Variants in DPF3 observed in about 807,000 individuals in gnomAD.
DPF3 encodes zinc finger protein DPF3.
In DPF3, 18 loss-of-function variants were observed where a neutral mutation model predicts 56.8. That is an observed-to-expected ratio of 0.32 (90% CI 0.22 to 0.47). DPF3 has a LOEUF of 0.47. Ranked by LOEUF, DPF3 falls within the 20% of genes least tolerant of loss-of-function variation. DPF3 has a pLI of 1.00. For missense variants in DPF3, 403 were observed against 488.8 expected (o/e 0.82, Z 1.65); for synonymous variants, 188 against 180.2 (o/e 1.04, Z -0.35).
At chr14:72,668,948 C>T (rs574970861) in intron 8 of DPF3, among the ~76,000 whole-genome samples, 2 of 152,274 alleles carry the variant, frequency 1.3e-5, no homozygotes, top group South Asian at 2.1e-4. Flanking sequence ...TATTGGCTGA[C>T]GTGTGAGCAT....
chr14:72,641,062 C>T (rs1264094907), intron 8 of DPF3, among the ~76,000 whole-genome samples: 1 of 151,996 alleles, frequency 6.6e-6, no homozygotes, highest in African/African-American at 2.4e-5. Flanking sequence ...TCATGACATC[C>T]AAGGAAGAGG....
chr14:72,662,358 C>A (rs1299566829), intron 8 of DPF3: 4 of 984,926 alleles, frequency 4.1e-6, no homozygotes, highest in Non-Finnish European at 3.6e-6. Flanking sequence ...CATGTCTTCA[C>A]AAAATTGCGC....
chr14:72,839,245 G>A (rs936619574), intron 1 of DPF3, among the ~76,000 whole-genome samples: 5 of 152,046 alleles, frequency 3.3e-5, no homozygotes, highest in Admixed American at 6.6e-5. Flanking sequence ...AATGGCAAGC[G>A]GGAACAAAAT....
At chr14:72,801,059 C>T (rs1312163346) in intron 1 of DPF3, among the ~76,000 whole-genome samples, 1 of 152,196 alleles carries the variant, frequency 6.6e-6, no homozygotes. Flanking sequence ...TGGTTAACAC[C>T]ACCTTACCAA....
At chr14:72,764,493 T>G (rs888958715) in intron 2 of DPF3, among the ~76,000 whole-genome samples, 5 of 129,220 alleles carry the variant, frequency 3.9e-5, no homozygotes, top group African/African-American at 1.5e-4. Context: ...TGTTTTTTTT[T>G]TTTTTTTTTT....
intron 6 of DPF3, among the ~76,000 whole-genome samples, chr14:72,710,062 G>C (rs1482728671): frequency 6.6e-6 from 1 of 152,236 alleles, no homozygotes; most frequent in Non-Finnish European, 1.5e-5. Context: ...TCTTTGCTAT[G>C]ATGTTTCTTG....
At chr14:72,837,123 G>A (rs914606032) in intron 1 of DPF3, among the ~76,000 whole-genome samples, 7 of 151,732 alleles carry the variant, frequency 4.6e-5, no homozygotes, top group South Asian at 2.1e-4. Context: ...CACCCGTCTC[G>A]GCCACCCAAA....
chr14:72,795,291 A>ATATATATATATATATATATATATAT (rs1158510213), intron 1 of DPF3, among the ~76,000 whole-genome samples: 1 of 122,412 alleles, frequency 8.2e-6, no homozygotes, highest in Non-Finnish European at 1.7e-5. Flanking sequence ...AAAAAAAAAA[A>ATATATATATATATATATATATATAT]AAAAATATAT....
intron 1 of DPF3, among the ~76,000 whole-genome samples, chr14:72,880,148 A>G (rs527372698): frequency 2.0e-4 from 31 of 152,356 alleles, no homozygotes; most frequent in African/African-American, 7.0e-4. Context: ...AGAAATTACC[A>G]TTGGCATCAC....
intron 1 of DPF3, among the ~76,000 whole-genome samples, chr14:72,831,643 G>A (rs1264190081): frequency 6.6e-6 from 1 of 152,190 alleles, no homozygotes; most frequent in Non-Finnish European, 1.5e-5. Context: ...CCCGTCAGTA[G>A]CAGCACTGAG....
At chr14:72,839,881 C>T (rs1419816707) in intron 1 of DPF3, among the ~76,000 whole-genome samples, 1 of 152,166 alleles carries the variant, frequency 6.6e-6, no homozygotes, top group East Asian at 1.9e-4. Context: ...GGCGGGTGCT[C>T]ACTCCACTGA....
Position 72,647,837 on chromosome 14 carries a change from G to T in DPF3, c.872-18101C>A, listed in dbSNP as rs556462850. Among the ~76,000 whole-genome samples, 6 of 152,298 alleles carry T rather than the reference G, an allele frequency of 3.9e-5. No individual in the cohort carries two copies. The East Asian group carries it at 1.2e-3, about 29-fold the overall frequency. ...ACGAGGAGGTGGCTAGCAGTAGCAA[G>T]ATTGGTCCTAATTTATTGAGGGCAG... is the stretch of plus-strand genomic sequence containing the variant. On this transcript the variant is annotated intron_variant, in intron 8 of 10. Coordinates refer to ENST00000556509, the MANE Select transcript of DPF3 (RefSeq NM_001280542.3).
At chr14:72,650,232 A>C (rs2153568489) in intron 8 of DPF3, among the ~76,000 whole-genome samples, 1 of 152,332 alleles carries the variant, frequency 6.6e-6, no homozygotes, top group Middle Eastern at 3.4e-3. Flanking sequence ...ATCCGGGAAT[A>C]AAGGCCCTCC....
chr14:72,753,041 G>C (rs1890644384), intron 3 of DPF3, among the ~76,000 whole-genome samples: 1 of 152,184 alleles, frequency 6.6e-6, no homozygotes, highest in African/African-American at 2.4e-5. Flanking sequence ...GTGGCAAAGG[G>C]AAGGCATGAG....
intron 1 of DPF3, among the ~76,000 whole-genome samples, chr14:72,820,437 T>C (rs1883481964): frequency 6.6e-6 from 1 of 152,228 alleles, no homozygotes; most frequent in African/African-American, 2.4e-5. Context: ...TTTTTGTTTT[T>C]GTTTTTTGCT....
At position 72,612,991 on chromosome 14, in the gene DPF3, GGCGTGT is replaced by G. The variant is rs749242971; in HGVS notation, c.*6300_*6305del. On this transcript the variant is annotated 3_prime_UTR_variant, in exon 11 of 11. Transcript: ENST00000556509. The stretch of plus-strand genomic sequence containing the variant: ...AGTTTCCCTTTGGTTCATTAAGTAG[GGCGTGT>G]GTGTGTGTGTGTGTGTGTGTGTGTG... Among the ~76,000 whole-genome samples the G allele has an allele frequency of 2.8e-5, 2 of 71,078 alleles. No homozygotes were observed. The highest frequency in any genetic ancestry group is 6.7e-4 in the South Asian group (1 of 1,484). The allele number at this position is 71,078 out of a possible 152,430, so 46.6% of individuals were successfully genotyped here. A position where few individuals can be genotyped will look rare whatever the true frequency, so the allele number is the denominator to read the frequency against.
At chr14:72,620,540 CG>C (rs1567178157) in intron 9 of DPF3, among the ~76,000 whole-genome samples, 1 of 152,152 alleles carries the variant, frequency 6.6e-6, no homozygotes, top group African/African-American at 2.4e-5. Context: ...GGCTGGAGCC[CG>C]GGTGAGAGCA....
intron 6 of DPF3, among the ~76,000 whole-genome samples, chr14:72,696,343 G>A (rs1887898442): frequency 6.6e-6 from 1 of 152,116 alleles, no homozygotes; most frequent in South Asian, 2.1e-4. Context: ...AACTCTAGAA[G>A]GCTGTTCTGG....
intron 3 of DPF3, among the ~76,000 whole-genome samples, chr14:72,738,338 C>T (rs886365684): frequency 2.0e-5 from 3 of 152,118 alleles, no homozygotes; most frequent in Non-Finnish European, 4.4e-5. Context: ...TTACCACTTG[C>T]TTTAGAATCT....
Sources: gnomAD v4.1 joint callset for allele counts (sites outside exome capture counted in the v4.1 genomes callset) on GRCh38, gnomAD v4.1.1 for gene constraint, MANE v1.5 for transcripts, NCBI Gene and HGNC (gene_info 2026-07-23, HGNC 2026-07-21) for gene names.